Variants in THTPA observed in about 807,000 individuals in gnomAD.
The protein encoded by THTPA is thiamine-triphosphatase.
In THTPA, 16 loss-of-function variants were observed where a neutral mutation model predicts 16.5. The ratio of observed to expected loss-of-function variants is 0.97; its 90% confidence interval spans 0.66 to 1.47. The LOEUF is 1.47. Ranked by LOEUF, THTPA falls within the 40% of genes most tolerant of loss-of-function variation. THTPA has a pLI of 0.00. For synonymous variants in THTPA, 110 were observed against 115.5 expected, an observed-to-expected ratio of 0.95 and a Z score of 0.30; for missense variants, 281 against 280.9, an observed-to-expected ratio of 1.00 and a Z score of 0.00.
At chr14:23,520,756 G>A in the THTPA span, 12 of 137,816 alleles carry the variant, frequency 8.7e-5, no homozygotes, top group South Asian at 5.3e-4. This position sits in a 1 kb window ranked among gnomAD's most constrained non-coding sequence, Gnocchi z 8.7. Flanking sequence ...AAGCTGTTTG[G>A]TCTTCCAAAG....
chr14:23,520,347 A>G, the THTPA span, among the ~76,000 whole-genome samples: 1 of 150,696 alleles, frequency 6.6e-6, no homozygotes, highest in Non-Finnish European at 1.5e-5. The surrounding 1 kb of genome is among the most constrained non-coding windows in gnomAD (Gnocchi z 8.7). Context: ...GGGGAAGAAA[A>G]GGAGACTGGG....
chr14:23,529,428 C>T, the THTPA span: 1 of 403,852 alleles, frequency 2.5e-6, no homozygotes, highest in Middle Eastern at 7.0e-4. Context: ...AGCATGTACC[C>T]CCACTCTTTC....
rs911462080 is a variant in THTPA, at chr14:23,559,685, C to G, written c.*845C>G. ...TGCTGGTAGCCCTCAGGTGTAGGTTCGAAGCTGCTGGGGCCCCCTGGGGTT... is the reference window on the plus strand; with the variant it reads ...TGCTGGTAGCCCTCAGGTGTAGGTTGGAAGCTGCTGGGGCCCCCTGGGGTT... On this transcript the variant is annotated 3_prime_UTR_variant, in exon 2 of 2. Transcript: ENST00000288014. 1 of 1,502,496 alleles carries G rather than the reference C, an allele frequency of 6.7e-7. No homozygotes were observed. The highest frequency in any genetic ancestry group is 9.2e-7 in the Non-Finnish European group (1 of 1,088,542). 93.1% of individuals were successfully genotyped at this position (1,502,496 alleles called of 1,614,324 possible).
At chr14:23,537,735 C>G in the THTPA span, among the ~76,000 whole-genome samples, 9 of 152,134 alleles carry the variant, frequency 5.9e-5, no homozygotes, top group Middle Eastern at 3.2e-3. Flanking sequence ...CAGAAGCCCT[C>G]AAGTTGAGGG....
At chr14:23,527,130 C>T in the THTPA span, among the ~76,000 whole-genome samples, 1 of 152,334 alleles carries the variant, frequency 6.6e-6, no homozygotes, top group East Asian at 1.9e-4. Context: ...GCTGCTTTTG[C>T]TACAGATGAG....
At chr14:23,553,714 A>G (rs59167088), upstream of THTPA, among the ~76,000 whole-genome samples, 33,395 of 150,670 alleles carry the variant, frequency 0.22, 5,064 homozygotes, top group African/African-American at 0.43. Context: ...CTAACAGGGT[A>G]AAACCCCATC....
the THTPA span, among the ~76,000 whole-genome samples, chr14:23,528,192 A>G: frequency 6.6e-6 from 1 of 152,170 alleles, no homozygotes. Context: ...TACAGGCGTG[A>G]GCCACCACGC....
At chr14:23,533,684 T>C in the THTPA span, 1 of 1,538,636 alleles carries the variant, frequency 6.5e-7, no homozygotes, top group Non-Finnish European at 8.7e-7. The surrounding 1 kb of genome is among the most constrained non-coding windows in gnomAD (Gnocchi z 4.8). Context: ...TCTGGTGGAC[T>C]TCCCTGCCCA....
the THTPA span, among the ~76,000 whole-genome samples, chr14:23,512,304 C>T: frequency 6.2e-4 from 94 of 152,082 alleles, no homozygotes; most frequent in African/African-American, 2.2e-3. Context: ...TGCAAACACA[C>T]TTGCGCGCAC....
chr14:23,539,997 T>G, the THTPA span, among the ~76,000 whole-genome samples: 1 of 152,220 alleles, frequency 6.6e-6, no homozygotes, highest in Non-Finnish European at 1.5e-5. Context: ...CAGTTGTTTT[T>G]CATTTTTTGA....
At chr14:23,540,051 C>T in the THTPA span, among the ~76,000 whole-genome samples, 1 of 152,152 alleles carries the variant, frequency 6.6e-6, no homozygotes, top group Non-Finnish European at 1.5e-5. Context: ...GCAGTGTCAC[C>T]ATCTTGTCTC....
At chr14:23,518,269 A>C in the THTPA span, among the ~76,000 whole-genome samples, 2 of 152,210 alleles carry the variant, frequency 1.3e-5, no homozygotes, top group Non-Finnish European at 2.9e-5. This position sits in a 1 kb window ranked among gnomAD's most constrained non-coding sequence, Gnocchi z 4.5. Context: ...ACAGTGGTGG[A>C]GATTTGGAGA....
chr14:23,556,452 G>T lies in THTPA; in HGVS notation c.-306G>T. The stretch of plus-strand genomic sequence containing the variant: ...GGCAAGGTGTAGAGAGGGGGGCGTT[G>T]AAAGGACACCCGCTACCCGGCCTGC... On this transcript the variant is annotated 5_prime_UTR_variant, in exon 1 of 2. Coordinates refer to ENST00000288014, the MANE Select transcript of THTPA (RefSeq NM_024328.6). 1 of 355,978 alleles carries T rather than the reference G, an allele frequency of 2.8e-6. No homozygotes were observed. Among genetic ancestry groups the T allele is most frequent in the Non-Finnish European group, 5.1e-6 (1 of 195,054 alleles). 22.1% of individuals were successfully genotyped at this position (355,978 alleles called of 1,614,324 possible).
chr14:23,558,556 C>A, intron 1 of THTPA, 139 bp from the exon 2 acceptor site: 1 of 1,124,632 alleles, frequency 8.9e-7, no homozygotes, highest in Non-Finnish European at 1.3e-6. Flanking sequence ...TAGTGTGTTA[C>A]AGAAGCTGGG....
At chr14:23,517,759 C>T in the THTPA span, among the ~76,000 whole-genome samples, 2 of 152,138 alleles carry the variant, frequency 1.3e-5, no homozygotes, top group East Asian at 1.9e-4. Context: ...CATGTGCGTG[C>T]CCCCACTGCT....
the THTPA span, among the ~76,000 whole-genome samples, chr14:23,518,768 C>CCAGG: frequency 6.6e-6 from 1 of 152,192 alleles, no homozygotes; most frequent in African/African-American, 2.4e-5. The surrounding 1 kb of genome is among the most constrained non-coding windows in gnomAD (Gnocchi z 4.5). Context: ...ACGGCTGTTA[C>CCAGG]TCCACAGGAG....
chr14:23,558,652 G>A, intron 1 of THTPA, 43 bp from the exon 2 acceptor site: 1 of 1,612,644 alleles, frequency 6.2e-7, no homozygotes. Context: ...CCAAGTGCTT[G>A]TGGCTCTGTC....
the THTPA span, chr14:23,530,519 C>A: frequency 3.7e-6 from 2 of 544,000 alleles, no homozygotes; most frequent in East Asian, 4.3e-5. Flanking sequence ...AATGGGAAGC[C>A]CCAGAGAAAT....
chr14:23,530,578 C>A, the THTPA span: 1 of 417,376 alleles, frequency 2.4e-6, no homozygotes, highest in Non-Finnish European at 4.6e-6. Flanking sequence ...ATGGAAGCAG[C>A]TGCTGCAGTG....
Sources: allele counts gnomAD v4.1 joint callset (sites outside exome capture counted in the v4.1 genomes callset), GRCh38; gene constraint gnomAD v4.1.1; non-coding constraint Gnocchi (gnomAD v3.1); transcripts MANE v1.5; gene names NCBI Gene and HGNC (gene_info 2026-07-23, HGNC 2026-07-21).